Variants in ITGB2 observed in about 807,000 individuals in gnomAD.
The protein encoded by ITGB2 is integrin beta-2.
Under a neutral mutation model 86.8 loss-of-function variants are expected in ITGB2, and 56 were observed. That is an observed-to-expected ratio of 0.65 (90% CI 0.52 to 0.81). The LOEUF (loss-of-function observed/expected upper bound fraction) is 0.81, where lower values mean the gene tolerates loss of function less well. Ranked by LOEUF, ITGB2 falls within the 30% of genes least tolerant of loss-of-function variation. The pLI is 0.00. For missense variants in ITGB2, 948 were observed against 1,061.2 expected, an observed-to-expected ratio of 0.89 and a Z score of 1.48; for synonymous variants, 457 against 450.4, an observed-to-expected ratio of 1.01 and a Z score of -0.19.
At chr21:44,892,350 C>T (rs369942058) in intron 10 of ITGB2, among the ~76,000 whole-genome samples, 5 of 151,042 alleles carry the variant, frequency 3.3e-5, no homozygotes, top group Admixed American at 6.6e-5. Context: ...CTGGGCGCCG[C>T]GGCTCACGCC....
At chr21:44,918,395 G>A (rs187054680) in intron 1 of ITGB2, among the ~76,000 whole-genome samples, 11 of 152,372 alleles carry the variant, frequency 7.2e-5, no homozygotes, top group South Asian at 2.1e-4. Context: ...GGTGGGGCCC[G>A]GCCTGGGCCA....
At chr21:44,922,614 G>A (rs1045152038), upstream of ITGB2, among the ~76,000 whole-genome samples, 3 of 146,938 alleles carry the variant, frequency 2.0e-5, no homozygotes, top group East Asian at 4.0e-4. Flanking sequence ...TTGAGGCTAC[G>A]GTGAACCATG....
chr21:44,894,261 C>T (rs1247179195), intron 9 of ITGB2: 1 of 162,530 alleles, frequency 6.2e-6, no homozygotes, highest in Admixed American at 5.6e-5. Flanking sequence ...AATTCAATGA[C>T]CCAACGTTTG....
At chr21:44,911,317 C>T (rs989694947) in intron 1 of ITGB2, 20 of 195,764 alleles carry the variant, frequency 1.0e-4, no homozygotes, top group African/African-American at 3.0e-4. Context: ...ACACACCACA[C>T]GCACACACCA....
chr21:44,903,910 A>G (rs1417333770), intron 4 of ITGB2, among the ~76,000 whole-genome samples: 1 of 152,158 alleles, frequency 6.6e-6, no homozygotes, highest in African/African-American at 2.4e-5. Flanking sequence ...CCTCATCAGC[A>G]GCCACATAGA....
At chr21:44,891,717 G>T in intron 11 of ITGB2, 92 bp downstream of exon 11, 1 of 1,413,260 alleles carries the variant, frequency 7.1e-7, no homozygotes, top group East Asian at 2.3e-5. Flanking sequence ...TGGGGGAAGG[G>T]ATGGAGCCAC....
intron 1 of ITGB2, among the ~76,000 whole-genome samples, chr21:44,912,729 C>T (rs938297330): frequency 7.2e-5 from 11 of 152,114 alleles, no homozygotes; most frequent in Non-Finnish European, 5.9e-5. Context: ...CTCGGTGCCA[C>T]GAGTGCCCAC....
chr21:44,926,797 T>G (rs947554021), intron 1 of ITGB2: 2 of 152,284 alleles, frequency 1.3e-5, no homozygotes, highest in African/African-American at 4.8e-5. Flanking sequence ...CTTTCACTTA[T>G]GTATTCCAGA....
chr21:44,893,136 C>G (rs2083814887), intron 10 of ITGB2: 1 of 420,366 alleles, frequency 2.4e-6, no homozygotes, highest in African/African-American at 2.0e-5. Flanking sequence ...TTCCTGACAT[C>G]AGCTTCACAA....
chr21:44,902,740 G>A (rs760019864), intron 5 of ITGB2, among the ~76,000 whole-genome samples: 1 of 152,290 alleles, frequency 6.6e-6, no homozygotes. Context: ...ATTTGTGTGT[G>A]AGCGTGCATT....
chr21:44,893,578 G>A (rs760181927), intron 9 of ITGB2, 34 bp from the exon 10 acceptor site: 2 of 1,612,454 alleles, frequency 1.2e-6, no homozygotes. Flanking sequence ...TTGGGGGCGA[G>A]TGTTTCTGTT....
At chr21:44,919,201 T>G (rs1196327921) in intron 1 of ITGB2, among the ~76,000 whole-genome samples, 2 of 152,178 alleles carry the variant, frequency 1.3e-5, no homozygotes, top group African/African-American at 4.8e-5. Flanking sequence ...ACATCTGTTC[T>G]GTGGCCCTGC....
intron 9 of ITGB2, chr21:44,894,531 G>A (rs1393941817): frequency 3.7e-6 from 1 of 273,726 alleles, no homozygotes; most frequent in Non-Finnish European, 7.3e-6. Context: ...GGGGTTAAGG[G>A]CTTCTCTGGA....
chr21:44,898,978 T>G, intron 8 of ITGB2, 89 bp downstream of exon 8: 3 of 1,038,494 alleles, frequency 2.9e-6, no homozygotes, highest in Non-Finnish European at 3.0e-6. Flanking sequence ...CATGCAGAGG[T>G]GGCGCTCAGA....
At chr21:44,897,691 C>T (rs2083889376) in intron 8 of ITGB2, among the ~76,000 whole-genome samples, 1 of 152,204 alleles carries the variant, frequency 6.6e-6, no homozygotes, top group African/African-American at 2.4e-5. Flanking sequence ...GCCCTGTCCA[C>T]CCTGAAGAAC....
chr21:44,918,404 C>G (rs1352284693), intron 1 of ITGB2, among the ~76,000 whole-genome samples: 1 of 152,246 alleles, frequency 6.6e-6, no homozygotes, highest in African/African-American at 2.4e-5. Context: ...CGGCCTGGGC[C>G]AGAGTGGACA....
Position 44,886,191 on chromosome 21 carries a change from T to TC in ITGB2, c.*176dup. 1 of 661,782 alleles carries TC rather than the reference T, an allele frequency of 1.5e-6. No homozygotes were observed. The allele number at this position is 661,782 out of a possible 1,614,324, so 41.0% of individuals were successfully genotyped here. On this transcript the variant is annotated 3_prime_UTR_variant, in exon 16 of 16. Coordinates refer to ENST00000652462, the MANE Select transcript of ITGB2 (RefSeq NM_000211.5). ...GACTGTGCCAGTCAGAGTGGAGCTG[T>TC]CCCCCCGACGAGCCCCCAGAAGCAC...
At chr21:44,919,051 T>C (rs1254419526) in intron 1 of ITGB2, among the ~76,000 whole-genome samples, 1 of 151,660 alleles carries the variant, frequency 6.6e-6, no homozygotes, top group Non-Finnish European at 1.5e-5. Context: ...GTTCATTGAG[T>C]GCTGGGAGTG....
chr21:44,921,807 T>C (rs567297110), upstream of ITGB2, among the ~76,000 whole-genome samples: 1 of 152,294 alleles, frequency 6.6e-6, no homozygotes, highest in South Asian at 2.1e-4. Context: ...CTGCAACCTC[T>C]GCCTCCCGGG....
Sources: gnomAD v4.1 joint callset for allele counts (sites outside exome capture counted in the v4.1 genomes callset) on GRCh38, gnomAD v4.1.1 for gene constraint, MANE v1.5 for transcripts, NCBI Gene and HGNC (gene_info 2026-07-23, HGNC 2026-07-21) for gene names.